Variants in TOX observed in about 807,000 individuals in gnomAD.
TOX encodes thymocyte selection associated high mobility group box.
A neutral mutation model predicts 53.7 loss-of-function variants in TOX; 11 were observed. The ratio of observed to expected loss-of-function variants is 0.20; its 90% confidence interval spans 0.13 to 0.34. The LOEUF (loss-of-function observed/expected upper bound fraction) is 0.34, where lower values mean the gene tolerates loss of function less well. TOX is among the 10% of genes least tolerant of loss of function. TOX has a pLI of 1.00. For synonymous variants in TOX, 225 were observed against 245.3 expected (o/e 0.92, Z 0.77); for missense variants, 570 against 664.6 (o/e 0.86, Z 1.56).
chr8:59,016,636 T>C (rs1296007849), intron 1 of TOX, among the ~76,000 whole-genome samples: 1 of 152,208 alleles, frequency 6.6e-6, no homozygotes, highest in Admixed American at 6.5e-5. Flanking sequence ...TCTATTTCTG[T>C]ATTAGGAATG....
intron 1 of TOX, among the ~76,000 whole-genome samples, chr8:59,055,341 A>AAAGGC (rs1803871946): frequency 6.6e-6 from 1 of 152,184 alleles, no homozygotes; most frequent in Non-Finnish European, 1.5e-5. Context: ...TGCTCCCCTC[A>AAAGGC]AAGGCAACAT....
chr8:59,029,528 C>A (rs1814313605), intron 1 of TOX, among the ~76,000 whole-genome samples: 1 of 152,114 alleles, frequency 6.6e-6, no homozygotes, highest in South Asian at 2.1e-4. Flanking sequence ...TGACATCAAT[C>A]CTCATTAAAC....
At chr8:59,040,315 C>A (rs796449634) in intron 1 of TOX, among the ~76,000 whole-genome samples, 1 of 114,320 alleles carries the variant, frequency 8.7e-6, no homozygotes, top group South Asian at 3.0e-4. Flanking sequence ...GGCGACAGAG[C>A]GAGACTCCGT....
chr8:58,820,184 C>T (rs1276060947), intron 6 of TOX, among the ~76,000 whole-genome samples: 1 of 151,888 alleles, frequency 6.6e-6, no homozygotes, highest in East Asian at 1.9e-4. Flanking sequence ...ATCCACTTTC[C>T]TTTAATTGAA....
At chr8:59,106,773 A>G (rs945814535) in intron 1 of TOX, among the ~76,000 whole-genome samples, 2 of 152,178 alleles carry the variant, frequency 1.3e-5, no homozygotes, top group African/African-American at 4.8e-5. Flanking sequence ...ACCGCTCAAC[A>G]GGAACTTAAA....
intron 5 of TOX, among the ~76,000 whole-genome samples, chr8:58,830,235 C>T (rs973227916): frequency 1.3e-5 from 2 of 152,112 alleles, no homozygotes; most frequent in South Asian, 2.1e-4. Context: ...CATCTAAACA[C>T]GTTTGAGTTC....
chr8:58,886,456 C>T (rs962250324), intron 3 of TOX, among the ~76,000 whole-genome samples: 1 of 152,012 alleles, frequency 6.6e-6, no homozygotes, highest in Admixed American at 6.6e-5. Context: ...TACATGTGAC[C>T]ATGTGTATGT....
chr8:59,067,389 A>G (rs71521442), intron 1 of TOX, among the ~76,000 whole-genome samples: 32,418 of 151,828 alleles, frequency 0.21, 3,588 homozygotes, highest in East Asian at 0.31. Flanking sequence ...CCCCATCTCT[A>G]CTAAAAATAC....
intron 1 of TOX, among the ~76,000 whole-genome samples, chr8:59,061,658 G>T (rs1214925714): frequency 3.3e-5 from 5 of 151,878 alleles, no homozygotes; most frequent in Non-Finnish European, 7.4e-5. Context: ...ATGATAAGAG[G>T]ATGGCAACCC....
intron 2 of TOX, among the ~76,000 whole-genome samples, chr8:58,950,864 A>G (rs1812610436): frequency 6.6e-6 from 1 of 152,166 alleles, no homozygotes; most frequent in Non-Finnish European, 1.5e-5. Context: ...GCTGGCTGAC[A>G]AGGGGAGGGA....
intron 3 of TOX, among the ~76,000 whole-genome samples, chr8:58,904,025 C>A (rs1340305146): frequency 6.6e-6 from 1 of 152,132 alleles, no homozygotes. Context: ...CAAAACCTTA[C>A]TTTAGCAATT....
chr8:58,851,595 G>A lies in TOX; in HGVS notation c.622C>T (p.Pro208Ser). The A allele has an allele frequency of 6.2e-7, 1 of 1,613,632 alleles. No homozygotes were observed. The highest frequency in any genetic ancestry group is 8.5e-7 in the Non-Finnish European group (1 of 1,179,756). Reference sequence around the variant, plus strand: ...GAAGGAGTTGCAGACTTGCTTCCAGGTGGAGATGGTGAGTTGTGGGGAACA... The same window carrying A: ...GAAGGAGTTGCAGACTTGCTTCCAGATGGAGATGGTGAGTTGTGGGGAACA... ...SNVPHNSPSP[P>S]GSKSATPSPS... Residue 208 changes from proline (P) to serine (S), a missense_variant, in exon 4 of 9, where the codon CCT (proline) becomes TCT (serine). Coordinates refer to ENST00000361421, the MANE Select transcript of TOX (RefSeq NM_014729.3). The surrounding 1 kb of genome is among the most constrained non-coding windows in gnomAD (Gnocchi z 4.4).
chr8:59,109,835 A>C (rs1365505642), intron 1 of TOX, among the ~76,000 whole-genome samples: 4 of 152,156 alleles, frequency 2.6e-5, no homozygotes, highest in African/African-American at 7.2e-5. Flanking sequence ...GCTGAATCTC[A>C]AAAGGCAGAT....
At chr8:59,039,912 T>A (rs1803544806) in intron 1 of TOX, among the ~76,000 whole-genome samples, 1 of 152,212 alleles carries the variant, frequency 6.6e-6, no homozygotes, top group Admixed American at 6.5e-5. Flanking sequence ...ATAATTAACA[T>A]TTGAGTTTGA....
At chr8:58,846,811 T>A (rs989591039) in intron 4 of TOX, among the ~76,000 whole-genome samples, 3 of 152,112 alleles carry the variant, frequency 2.0e-5, no homozygotes, top group Non-Finnish European at 2.9e-5. Context: ...AAAAGCAAGA[T>A]GTGTAATGGG....
chr8:58,998,523 A>AAACT (rs59892356), intron 1 of TOX, among the ~76,000 whole-genome samples: 5 of 45,052 alleles, frequency 1.1e-4, no homozygotes, highest in East Asian at 6.2e-4. Context: ...ATATATATAT[A>AAACT]TATATATATA....
At chr8:58,934,774 C>T (rs1031579262) in intron 3 of TOX, among the ~76,000 whole-genome samples, 3 of 152,180 alleles carry the variant, frequency 2.0e-5, no homozygotes, top group African/African-American at 7.2e-5. Context: ...TACAGGCTTG[C>T]TTTTCTCATT....
chr8:58,889,950 A>T (rs1811532224), intron 3 of TOX, among the ~76,000 whole-genome samples: 1 of 152,214 alleles, frequency 6.6e-6, no homozygotes, highest in African/African-American at 2.4e-5. Flanking sequence ...ATGTTATGAC[A>T]TATGACTCAC....
chr8:58,998,529 A>AAAATATAAATT (rs1242406325), intron 1 of TOX, among the ~76,000 whole-genome samples: 11 of 15,852 alleles, frequency 6.9e-4, no homozygotes, highest in African/African-American at 9.9e-4. Flanking sequence ...ATATATATAT[A>AAAATATAAATT]TATATATATA....
Sources: gnomAD v4.1 joint callset for allele counts (sites outside exome capture counted in the v4.1 genomes callset) on GRCh38, gnomAD v4.1.1 for gene constraint, Gnocchi (gnomAD v3.1) non-coding constraint, MANE v1.5 for transcripts, NCBI Gene and HGNC (gene_info 2026-07-23, HGNC 2026-07-21) for gene names.